TTC27: variants seen among roughly 807,000 people sequenced by gnomAD.
The protein encoded by TTC27 is tetratricopeptide repeat domain 27, also known as tetratricopeptide repeat protein 27.
In TTC27, 79 loss-of-function variants were observed where a neutral mutation model predicts 115.9. The ratio of observed to expected loss-of-function variants is 0.68; its 90% confidence interval spans 0.57 to 0.82. The LOEUF (loss-of-function observed/expected upper bound fraction) is 0.82, where lower values mean the gene tolerates loss of function less well. Among genes scored for constraint, TTC27 ranks in the 40% least tolerant of loss-of-function variants. TTC27 has a pLI of 0.00. For synonymous variants in TTC27, 401 were observed against 356.0 expected (o/e 1.13, Z -1.42); for missense variants, 1,054 against 993.1 (o/e 1.06, Z -0.82).
chr2:32,684,281 G>T (rs1006167974), intron 9 of TTC27, among the ~76,000 whole-genome samples: 58 of 152,192 alleles, frequency 3.8e-4, no homozygotes, highest in African/African-American at 1.4e-3. Flanking sequence ...TGCATAGTAT[G>T]CCATGGTGTA....
At chr2:32,806,939 T>G (rs973019898) in intron 16 of TTC27, among the ~76,000 whole-genome samples, 1 of 152,212 alleles carries the variant, frequency 6.6e-6, no homozygotes, top group African/African-American at 2.4e-5. Context: ...TATTGAAATG[T>G]AGTGTACATA....
intron 9 of TTC27, among the ~76,000 whole-genome samples, chr2:32,693,992 A>T (rs966903374): frequency 6.6e-6 from 1 of 152,232 alleles, no homozygotes; most frequent in Non-Finnish European, 1.5e-5. Flanking sequence ...ACTTGTATCG[A>T]GAACAAATAA....
At chr2:32,764,859 A>G in intron 13 of TTC27, among the ~76,000 whole-genome samples, 1 of 152,254 alleles carries the variant, frequency 6.6e-6, no homozygotes, top group East Asian at 1.9e-4. Flanking sequence ...ATAAGAGGCA[A>G]CTTCTCATTT....
intron 7 of TTC27, 115 bp from the exon 8 acceptor site, chr2:32,672,157 C>T (rs1666036308): frequency 3.0e-6 from 2 of 672,848 alleles, no homozygotes; most frequent in Non-Finnish European, 5.1e-6. Flanking sequence ...GCCTATTGAC[C>T]ATATGTCAAA....
At chr2:32,784,055 G>A (rs1047392166) in intron 15 of TTC27, among the ~76,000 whole-genome samples, 4 of 152,140 alleles carry the variant, frequency 2.6e-5, no homozygotes, top group Non-Finnish European at 1.5e-5. Context: ...GCAACTGATA[G>A]TGCTAAAACT....
At chr2:32,719,184 G>C (rs541958781) in intron 10 of TTC27, among the ~76,000 whole-genome samples, 4 of 152,322 alleles carry the variant, frequency 2.6e-5, no homozygotes, top group South Asian at 4.1e-4. Context: ...CCTCACCAGA[G>C]TGACATCCAA....
chr2:32,734,603 G>C (rs968711779), intron 11 of TTC27, among the ~76,000 whole-genome samples: 2 of 152,260 alleles, frequency 1.3e-5, no homozygotes, highest in East Asian at 3.9e-4. Flanking sequence ...TGGTTCTCCT[G>C]TATTATAGGT....
At chr2:32,652,374 AAAATATATAAATAAATAAATAAAAAT>A (rs1457687200) in intron 5 of TTC27, among the ~76,000 whole-genome samples, 2 of 152,042 alleles carry the variant, frequency 1.3e-5, no homozygotes, top group Admixed American at 1.3e-4. Flanking sequence ...CCATCTCAAA[AAAATATATAAATAAATAAATAAAAAT>A]AAAATAAAAT....
chr2:32,744,616 T>G (rs80311392), intron 12 of TTC27, among the ~76,000 whole-genome samples: 7,910 of 152,234 alleles, frequency 0.052, 529 homozygotes, highest in African/African-American at 0.16. Flanking sequence ...AGATAAACAG[T>G]TTAGGGCTTA....
Position 32,758,435 on chromosome 2 carries a change from C to A in TTC27, c.1596C>A (p.Ser532=). 2 of 1,614,160 alleles carry A rather than the reference C, an allele frequency of 1.2e-6. No individual in the cohort carries two copies. The highest frequency in any genetic ancestry group is 1.7e-6 in the Non-Finnish European group (2 of 1,180,030). Reference sequence around the variant, plus strand: ...ACCGCAGTGCTCGTGCTCAGCGCTCCAAAGCCCTCCTTCATCTTCGGAACA... The same window carrying A: ...ACCGCAGTGCTCGTGCTCAGCGCTCAAAAGCCCTCCTTCATCTTCGGAACA... ...SRYRSARAQR[S]KALLHLRNKE... Residue 532 remains serine (S), a synonymous_variant, in exon 13 of 20, where the codon TCC becomes TCA. Transcript: ENST00000317907.
intron 9 of TTC27, among the ~76,000 whole-genome samples, chr2:32,696,591 G>A (rs1666997275): frequency 6.6e-6 from 1 of 152,064 alleles, no homozygotes. Flanking sequence ...ACCACGCCCA[G>A]CCTATACCAC....
At chr2:32,771,915 A>G (rs535869206) in intron 13 of TTC27, among the ~76,000 whole-genome samples, 109 of 152,254 alleles carry the variant, frequency 7.2e-4, no homozygotes, top group African/African-American at 2.6e-3. Flanking sequence ...GGATTAGATT[A>G]TTCTACATTA....
At chr2:32,695,500 C>T (rs1389849006) in intron 9 of TTC27, among the ~76,000 whole-genome samples, 2 of 151,876 alleles carry the variant, frequency 1.3e-5, no homozygotes, top group African/African-American at 4.8e-5. Flanking sequence ...GCGGGCAGAT[C>T]ACGAGGTCAG....
chr2:32,666,101 C>T (rs1665765178), intron 6 of TTC27, among the ~76,000 whole-genome samples: 1 of 152,024 alleles, frequency 6.6e-6, no homozygotes, highest in African/African-American at 2.4e-5. Flanking sequence ...TTTTGCTTTT[C>T]TTAAAGTGGT....
Position 32,669,729 on chromosome 2 carries a change from A to G in TTC27, c.940-2543A>G, listed in dbSNP as rs1665936739. ...CCGAAACCCCATCTCTGCTAAAAAT[A>G]GAAAAGATTATCCGGGCGTGGTGGT... is the stretch of plus-strand genomic sequence containing the variant. On this transcript the variant is annotated intron_variant, in intron 7 of 19. Coordinates refer to ENST00000317907, the MANE Select transcript of TTC27 (RefSeq NM_017735.5). Among the ~76,000 whole-genome samples the G allele has an allele frequency of 2.0e-5, 3 of 151,968 alleles. No individual in the cohort carries two copies. In the South Asian group the frequency reaches 6.2e-4, roughly 32 times the overall value.
chr2:32,794,786 A>G (rs1380582471), intron 16 of TTC27, among the ~76,000 whole-genome samples: 2 of 152,170 alleles, frequency 1.3e-5, no homozygotes, highest in Non-Finnish European at 2.9e-5. Context: ...AAATAAAAAG[A>G]TTATAAGAGA....
chr2:32,630,498 A>G (rs1351908212), intron 1 of TTC27, 25 bp from the exon 2 acceptor site: 1 of 1,557,814 alleles, frequency 6.4e-7, no homozygotes, highest in Non-Finnish European at 8.7e-7. Context: ...TTTTTGGATT[A>G]CCGCACTAAT....
intron 3 of TTC27, 136 bp downstream of exon 3, chr2:32,634,141 T>C: frequency 9.7e-7 from 1 of 1,034,486 alleles, no homozygotes; most frequent in Non-Finnish European, 1.3e-6. Flanking sequence ...AGAATGCTTG[T>C]TCATTGATCA....
chr2:32,766,552 T>A lies in TTC27; in HGVS notation c.1680+8033T>A, dbSNP rs185399489. ...CAGAACATACACAGCATTTATCAGT[T>A]AAGTTCACTGTCCTATATGTGTGCA... is the stretch of plus-strand genomic sequence containing the variant. On this transcript the variant is annotated intron_variant, in intron 13 of 19. Transcript: ENST00000317907. 686 of 393,968 alleles carry A rather than the reference T, an allele frequency of 1.7e-3. 6 individuals are homozygous for A. Among genetic ancestry groups the A allele is most frequent in the African/African-American group, 0.014 (657 of 48,386 alleles). 24.4% of individuals were successfully genotyped at this position (393,968 alleles called of 1,614,324 possible).
Sources: allele counts gnomAD v4.1 joint callset (sites outside exome capture counted in the v4.1 genomes callset), GRCh38; gene constraint gnomAD v4.1.1; transcripts MANE v1.5; gene names NCBI Gene and HGNC (gene_info 2026-07-23, HGNC 2026-07-21).